RBM44: variants seen among roughly 807,000 people sequenced by gnomAD.
RBM44 encodes the protein RNA-binding protein 44.
RBM44 carries 66 observed loss-of-function variants against 105.1 expected under a neutral mutation model. The ratio of observed to expected loss-of-function variants is 0.63; its 90% CI spans 0.52 to 0.77. The LOEUF (loss-of-function observed/expected upper bound fraction) is 0.77. Among genes scored for constraint, RBM44 ranks in the 30% least tolerant of loss-of-function variants. The pLI is 0.00. For missense variants in RBM44, 1,122 were observed against 1,207.8 expected (o/e 0.93, Z 1.05); for synonymous variants, 365 against 417.6 (o/e 0.87, Z 1.54).
intron 1 of RBM44, among the ~76,000 whole-genome samples, chr2:237,802,680 G>A (rs536865080): frequency 6.6e-6 from 1 of 152,118 alleles, no homozygotes; most frequent in African/African-American, 2.4e-5. Context: ...TATGCCTGTT[G>A]TGCTTCATAG....
chr2:237,822,131 G>A (rs2061798878), intron 8 of RBM44, among the ~76,000 whole-genome samples: 1 of 151,832 alleles, frequency 6.6e-6, no homozygotes, highest in Admixed American at 6.6e-5. Flanking sequence ...GACTGTCCTG[G>A]GCAAACAATA....
At chr2:237,812,195 C>T (rs986948370) in intron 1 of RBM44, among the ~76,000 whole-genome samples, 4 of 152,116 alleles carry the variant, frequency 2.6e-5, no homozygotes, top group African/African-American at 9.7e-5. Flanking sequence ...AAAAGAATAG[C>T]TCTCCATTTT....
At chr2:237,828,421 G>A (rs1365804185) in intron 12 of RBM44, among the ~76,000 whole-genome samples, 1 of 152,070 alleles carries the variant, frequency 6.6e-6, no homozygotes, top group African/African-American at 2.4e-5. Flanking sequence ...AAGTAGTATT[G>A]TAATCCTAGG....
At chr2:237,801,712 A>G (rs1367135117) in intron 1 of RBM44, among the ~76,000 whole-genome samples, 2 of 152,164 alleles carry the variant, frequency 1.3e-5, no homozygotes, top group African/African-American at 4.8e-5. Flanking sequence ...GCCATTCCAT[A>G]TTTGTCCTCT....
intron 12 of RBM44, 80 bp downstream of exon 12, chr2:237,827,583 A>G: frequency 1.2e-6 from 1 of 814,024 alleles, no homozygotes; most frequent in African/African-American, 1.7e-5. Context: ...TATCAGCCAC[A>G]GTGGTGATAA....
At chr2:237,835,898 A>G (rs2061954262) in intron 15 of RBM44, among the ~76,000 whole-genome samples, 1 of 152,044 alleles carries the variant, frequency 6.6e-6, no homozygotes, top group Non-Finnish European at 1.5e-5. Flanking sequence ...AGTCCAATGT[A>G]TCATTCTAAG....
Position 237,818,130 on chromosome 2 carries a change from A to C in RBM44, c.1211A>C (p.Asp404Ala), listed in dbSNP as rs1021153859. 6 of 1,613,040 alleles carry C rather than the reference A, an allele frequency of 3.7e-6. No individual in the cohort carries two copies. In the African/African-American group the frequency reaches 8.0e-5, roughly 22 times the overall value. The change falls in exon 3 of 16, where the codon GAC becomes GCC. Residue 404 changes from aspartate (D) to alanine (A), a missense_variant. By Grantham distance (126) the Asp-to-Ala change is moderately radical (BLOSUM62 -2). Transcript: ENST00000316997. This position sits in a 1 kb window ranked among gnomAD's most constrained non-coding sequence, Gnocchi z 4.6. ...TATGAAAGCCTACAAAACACTGCTG[A>C]CTCAGCCTTAGATTTTTCTGCTATG... is the stretch of plus-strand genomic sequence containing the variant. ...GYYESLQNTA[D>A]SALDFSAMLP...
intron 2 of RBM44, among the ~76,000 whole-genome samples, 161 bp from the exon 3 acceptor site, chr2:237,816,832 A>G (rs2061722900): frequency 6.6e-6 from 1 of 152,164 alleles, no homozygotes; most frequent in Admixed American, 6.6e-5. Context: ...TTGGGAGGAC[A>G]TGGTTCAGTT....
chr2:237,833,342 T>G (rs1474675057), intron 13 of RBM44, among the ~76,000 whole-genome samples: 1 of 152,206 alleles, frequency 6.6e-6, no homozygotes, highest in East Asian at 1.9e-4. Context: ...TGAACTTTTA[T>G]GGGATTTACA....
At chr2:237,826,586 T>C (rs2061850424) in intron 10 of RBM44, among the ~76,000 whole-genome samples, 3 of 152,160 alleles carry the variant, frequency 2.0e-5, no homozygotes, top group Admixed American at 2.0e-4. Flanking sequence ...GGAATGTGCA[T>C]AATGAGAGCT....
chr2:237,842,158 T>C lies in RBM44; in HGVS notation c.*342T>C, dbSNP rs2062017908. ...GTCCATTTTAAAAACCTTTATTAAG[T>C]CACTTTTAAAATGTATTGACCAAGA... On this transcript the variant is annotated 3_prime_UTR_variant, in exon 16 of 16. Coordinates refer to ENST00000316997, the MANE Select transcript of RBM44 (RefSeq NM_001080504.3). 1 of 152,150 alleles carries C rather than the reference T, an allele frequency of 6.6e-6. No homozygotes were observed. Among genetic ancestry groups the C allele is most frequent in the Non-Finnish European group, 1.5e-5 (1 of 67,974 alleles). 9.4% of individuals were successfully genotyped at this position (152,150 alleles called of 1,614,324 possible).
intron 14 of RBM44, 42 bp downstream of exon 14, chr2:237,834,184 T>C: frequency 6.5e-7 from 1 of 1,528,914 alleles, no homozygotes. Flanking sequence ...AAAACTTCTG[T>C]GTAAAAATAT....
At chr2:237,805,071 A>G (rs1421310259) in intron 1 of RBM44, among the ~76,000 whole-genome samples, 1 of 152,246 alleles carries the variant, frequency 6.6e-6, no homozygotes, top group African/African-American at 2.4e-5. Context: ...TGCAGACTAT[A>G]TGATTCTATA....
intron 1 of RBM44, among the ~76,000 whole-genome samples, chr2:237,806,988 T>C (rs2061605446): frequency 6.6e-6 from 1 of 152,196 alleles, no homozygotes; most frequent in African/African-American, 2.4e-5. Context: ...AAACTGCATA[T>C]TTTCATTTAT....
At position 237,841,542 on chromosome 2, in the gene RBM44, C is replaced by T. The variant is rs571503318; in HGVS notation, c.*23-297C>T. ...ATGTAATTTATCTATATCGATATAA[C>T]GAACCTGCACATATGCCCCTGAAAC... On this transcript the variant is annotated intron_variant, in intron 15 of 15. Transcript: ENST00000316997. The surrounding 1 kb of genome is among the most constrained non-coding windows in gnomAD (Gnocchi z 4.5). Among the ~76,000 whole-genome samples the T allele has an allele frequency of 6.1e-4, 93 of 152,114 alleles. No individual in the cohort carries two copies. The highest frequency in any genetic ancestry group is 2.1e-3 in the African/African-American group (88 of 41,492).
chr2:237,799,083 C>G (rs1363298257), intron 1 of RBM44: 1 of 151,912 alleles, frequency 6.6e-6, no homozygotes, highest in Non-Finnish European at 1.5e-5. Flanking sequence ...GGAGTTCCGG[C>G]GCCCTCATAG....
At chr2:237,833,418 G>A (rs1229880731) in intron 13 of RBM44, among the ~76,000 whole-genome samples, 1 of 152,090 alleles carries the variant, frequency 6.6e-6, no homozygotes, top group African/African-American at 2.4e-5. Context: ...TTTTAATTTT[G>A]TCTCTTCGCA....
At chr2:237,810,874 C>T (rs977768662) in intron 1 of RBM44, among the ~76,000 whole-genome samples, 2 of 152,102 alleles carry the variant, frequency 1.3e-5, no homozygotes, top group African/African-American at 2.4e-5. Flanking sequence ...GGCCACCTCT[C>T]GGGCATTTGC....
At chr2:237,819,585 G>A (rs372039422) in intron 4 of RBM44, among the ~76,000 whole-genome samples, 76 of 152,072 alleles carry the variant, frequency 5.0e-4, no homozygotes, top group African/African-American at 1.7e-3. Context: ...ATTGAGAATA[G>A]CTAGAAGTGG....
Sources: allele counts gnomAD v4.1 joint callset (sites outside exome capture counted in the v4.1 genomes callset), GRCh38; gene constraint gnomAD v4.1.1; non-coding constraint Gnocchi (gnomAD v3.1); transcripts MANE v1.5; gene names NCBI Gene and HGNC (gene_info 2026-07-23, HGNC 2026-07-21).